JADE2: variants seen among roughly 807,000 people sequenced by gnomAD.
JADE2 encodes jade family PHD finger 2.
In JADE2, 13 loss-of-function variants were observed where a neutral mutation model predicts 85.7. The observed-to-expected ratio is 0.15, with a 90% CI of 0.10 to 0.24. The LOEUF is 0.24. Among genes scored for constraint, JADE2 ranks in the 10% least tolerant of loss-of-function variants. The pLI is 1.00. For synonymous variants in JADE2, 440 were observed against 456.1 expected (o/e 0.96, Z 0.45); for missense variants, 846 against 1,115.9 (o/e 0.76, Z 3.45).
intron 3 of JADE2, among the ~76,000 whole-genome samples, chr5:134,546,207 C>T (rs932097015): frequency 3.3e-5 from 5 of 152,094 alleles, no homozygotes; most frequent in African/African-American, 4.8e-5. Context: ...CTCCCTCTGT[C>T]ACCCAGGCTG....
At position 134,578,854 on chromosome 5, in the gene JADE2, A is replaced by G; in HGVS notation, c.2042A>G (p.Lys681Arg). The part of the protein sequence containing the change: ...KTWGQDAGSG[K>R]GGQGPPTRKP... Reference sequence around the variant, plus strand: ...TGGGGCCAGGATGCAGGCAGTGGCAAGGGGGGTCAAGGGCCACCTACCAGG... The same window carrying G: ...TGGGGCCAGGATGCAGGCAGTGGCAGGGGGGGTCAAGGGCCACCTACCAGG... Residue 681 changes from lysine to arginine, a missense_variant, in exon 12 of 12, where the codon AAG becomes AGG. By Grantham distance (26) the Lys-to-Arg change is conservative (BLOSUM62 2). Coordinates refer to ENST00000681547, the MANE Select transcript of JADE2 (RefSeq NM_001388185.1). The surrounding 1 kb of genome is among the most constrained non-coding windows in gnomAD (Gnocchi z 4.4). 1 of 1,613,722 alleles carries G rather than the reference A, an allele frequency of 6.2e-7. No individual in the cohort carries two copies. Among genetic ancestry groups the G allele is most frequent in the South Asian group, 1.1e-5 (1 of 91,086 alleles).
At chr5:134,530,927 C>T (rs1561722037) in intron 1 of JADE2, among the ~76,000 whole-genome samples, 1 of 152,184 alleles carries the variant, frequency 6.6e-6, no homozygotes, top group Non-Finnish European at 1.5e-5. Context: ...ACTCAGCACT[C>T]CCTAGTATGT....
In JADE2 at chr5:134,564,608, C is replaced by A; in HGVS notation, c.967C>A (p.Gln323Lys). The stretch of plus-strand genomic sequence containing the variant: ...CAAGGAATGCACAGGCACCTGCATC[C>A]AGGTATGTGGCCTACTTCACCTCCT... The part of the protein sequence containing the change: ...LCKECTGTCI[Q>K]CSMPSCVTAF... Residue 323 changes from glutamine (Q) to lysine (K), a missense_variant and splice_region_variant, in exon 8 of 12, where the codon CAG (glutamine) becomes AAG (lysine). By Grantham distance (53) the Gln-to-Lys change is moderately conservative. Transcript: ENST00000681547. 1 of 1,544,710 alleles carries A rather than the reference C, an allele frequency of 6.5e-7. No homozygotes were observed. The highest frequency in any genetic ancestry group is 2.0e-5 in the Admixed American group (1 of 49,650).
rs898299578 is a variant in JADE2 at position 134,580,452 on chromosome 5, C to A, written c.*1135C>A. The A allele has an allele frequency of 7.1e-6, 1 of 140,562 alleles. No homozygotes were observed. The highest frequency in any genetic ancestry group is 1.6e-5 in the Non-Finnish European group (1 of 64,188). 8.7% of individuals were successfully genotyped at this position (140,562 alleles called of 1,614,324 possible). A position where few individuals can be genotyped will look rare whatever the true frequency, so the allele number is the denominator to read the frequency against. On this transcript the variant is annotated 3_prime_UTR_variant, in exon 12 of 12. Coordinates refer to ENST00000681547, the MANE Select transcript of JADE2 (RefSeq NM_001388185.1). The stretch of plus-strand genomic sequence containing the variant: ...CCCCCCCCCGTCCTGCCATCCCCCC[C>A]CGCCGTCCTGCCTTCCCCACCCCAC...
chr5:134,570,733 A>AC (rs746133299), intron 9 of JADE2, among the ~76,000 whole-genome samples: 110 of 150,732 alleles, frequency 7.3e-4, no homozygotes, highest in Non-Finnish European at 1.4e-3. Flanking sequence ...GTCCTGGTTT[A>AC]CCCCCCTCCC....
rs1315474697 is a variant in JADE2 at position 134,576,841 on chromosome 5, C to T, written c.1626C>T (p.Ser542=). 3.2e-6 allele frequency: 5 copies of T among 1,550,248 alleles called. No individual in the cohort carries two copies. Among genetic ancestry groups the T allele is most frequent in the Non-Finnish European group, 4.4e-6 (5 of 1,146,850 alleles). ...AGGGCTGCGAGGGCTCCAAGGGCAG[C>T]ACTGAGAAGAAAGAGAAAGTGAAGG... ...KRKGCEGSKG[S]TEKKEKVKAG... The change falls in exon 11 of 12, where the codon AGC becomes AGT. Residue 542 remains serine, a synonymous_variant. Coordinates refer to ENST00000681547, the MANE Select transcript of JADE2 (RefSeq NM_001388185.1).
rs142559943 is a variant in JADE2, at chr5:134,545,567, C to T, written c.154-6485C>T. Among the ~76,000 whole-genome samples, 364 of 152,026 alleles carry T rather than the reference C, an allele frequency of 2.4e-3. 3 individuals carry two copies. The highest frequency in any genetic ancestry group is 7.8e-3 in the African/African-American group (322 of 41,456). ...GGCTGGGAAACTCTTTATCAGGTTC[C>T]GGCCCAGAAAAGATTTTTTAAAAGA... On this transcript the variant is annotated intron_variant, in intron 3 of 11. Transcript: ENST00000681547.
intron 9 of JADE2, among the ~76,000 whole-genome samples, chr5:134,567,300 A>G (rs917402612): frequency 2.0e-5 from 3 of 152,168 alleles, no homozygotes; most frequent in Admixed American, 6.5e-5. Flanking sequence ...CTTGCACCCA[A>G]CACTCCCTGG....
chr5:134,534,740 G>C (rs1761476314), intron 1 of JADE2, among the ~76,000 whole-genome samples: 1 of 152,142 alleles, frequency 6.6e-6, no homozygotes, highest in South Asian at 2.1e-4. Flanking sequence ...CTTTGCTGTG[G>C]GGAGTCAGTC....
rs111941530 is a variant in JADE2, at chr5:134,566,812, G to A, written c.1434+232G>A. Among the ~76,000 whole-genome samples, 477 of 152,326 alleles carry A rather than the reference G, an allele frequency of 3.1e-3. 3 individuals are homozygous for A. The highest frequency in any genetic ancestry group is 0.011 in the African/African-American group (465 of 41,562). On this transcript the variant is annotated intron_variant, in intron 9 of 11. Coordinates refer to ENST00000681547, the MANE Select transcript of JADE2 (RefSeq NM_001388185.1). This position sits in a 1 kb window ranked among gnomAD's most constrained non-coding sequence, Gnocchi z 6.7. The stretch of plus-strand genomic sequence containing the variant: ...AGAAGAGTCCAGTTCTTGAGTCTCC[G>A]AGTCCCTCTTGTCCTAGCCCTGTCA...
At chr5:134,571,546 A>G (rs1189272652) in intron 9 of JADE2, among the ~76,000 whole-genome samples, 3 of 152,060 alleles carry the variant, frequency 2.0e-5, no homozygotes, top group Non-Finnish European at 1.5e-5. Flanking sequence ...AAAATACAAA[A>G]ATTAGCCAGG....
rs920472005 is a variant in JADE2 at position 134,576,793 on chromosome 5, C to A, written c.1578C>A (p.Gly526=). The A allele has an allele frequency of 1.3e-6, 2 of 1,550,462 alleles. No homozygotes were observed. Among genetic ancestry groups the A allele is most frequent in the African/African-American group, 2.7e-5 (2 of 73,032 alleles). The change falls in exon 11 of 12, where the codon GGC becomes GGA. Residue 526 remains glycine, a synonymous_variant. Coordinates refer to ENST00000681547, the MANE Select transcript of JADE2 (RefSeq NM_001388185.1). ...CRERSGRRAK[G]KKSDSKRKGC... ...AGCGGTCTGGGAGGAGAGCAAAGGG[C>A]AAGAAGAGTGACTCGAAGAGGAAGG...
intron 9 of JADE2, among the ~76,000 whole-genome samples, chr5:134,571,158 T>TG (rs1309917788): frequency 6.6e-6 from 1 of 152,248 alleles, no homozygotes; most frequent in African/African-American, 2.4e-5. Context: ...CCTCTGCCTC[T>TG]GCCAGGTCAC....
At chr5:134,551,416 A>G (rs1390710220) in intron 3 of JADE2, among the ~76,000 whole-genome samples, 1 of 152,152 alleles carries the variant, frequency 6.6e-6, no homozygotes, top group Non-Finnish European at 1.5e-5. Context: ...TTTTGTAAAA[A>G]TGAGGTTTCA....
At chr5:134,524,596 G>C (rs1760694171), upstream of JADE2, among the ~76,000 whole-genome samples, 1 of 152,192 alleles carries the variant, frequency 6.6e-6, no homozygotes. Flanking sequence ...TCGCCCCGGG[G>C]CAAAATCCTG....
chr5:134,561,333 A>G (rs1379709665), intron 6 of JADE2, among the ~76,000 whole-genome samples: 2 of 152,242 alleles, frequency 1.3e-5, no homozygotes, highest in South Asian at 2.1e-4. Flanking sequence ...TTCACAAGCT[A>G]TGTAACTTTA....
chr5:134,577,655 C>T (rs1392338734), intron 11 of JADE2, among the ~76,000 whole-genome samples: 2 of 152,170 alleles, frequency 1.3e-5, no homozygotes, highest in South Asian at 2.1e-4. Flanking sequence ...CATGCCACTG[C>T]ACTCCAGCCT....
At chr5:134,559,773 C>G in intron 4 of JADE2, 57 bp from the exon 5 acceptor site, 1 of 1,555,810 alleles carries the variant, frequency 6.4e-7, no homozygotes, top group Non-Finnish European at 8.7e-7. Flanking sequence ...CCCTGGAGCC[C>G]CTATGGCGGC....
At position 134,579,492 on chromosome 5, in the gene JADE2, C is replaced by G. The variant is rs1347720523; in HGVS notation, c.*175C>G. On this transcript the variant is annotated 3_prime_UTR_variant, in exon 12 of 12. Coordinates refer to ENST00000681547, the MANE Select transcript of JADE2 (RefSeq NM_001388185.1). This position sits in a 1 kb window ranked among gnomAD's most constrained non-coding sequence, Gnocchi z 4.6. ...TGAATTCTACACTGTTGTCTTTCCT[C>G]TGTGCTGGCCTAGGACATTAGGATT... 1.3e-5 allele frequency: 8 copies of G among 604,526 alleles called. No individual in the cohort carries two copies. The allele number at this position is 604,526 out of a possible 1,614,324, so 37.4% of individuals were successfully genotyped here.
Sources: allele counts gnomAD v4.1 joint callset (sites outside exome capture counted in the v4.1 genomes callset), GRCh38; gene constraint gnomAD v4.1.1; non-coding constraint Gnocchi (gnomAD v3.1); transcripts MANE v1.5; gene names NCBI Gene and HGNC (gene_info 2026-07-23, HGNC 2026-07-21).